The following ATF2 variants were observed in gnomAD, a reference collection of about 807,000 sequenced individuals.
The protein encoded by ATF2 is activating transcription factor 2.
ATF2 carries 24 observed loss-of-function variants against 60.6 expected under a neutral mutation model. The observed-to-expected ratio is 0.40, with a 90% CI of 0.29 to 0.56. The LOEUF (loss-of-function observed/expected upper bound fraction) is 0.56, where lower values mean the gene tolerates loss of function less well. Among genes scored for constraint, ATF2 ranks in the 20% least tolerant of loss-of-function variants. ATF2 has a pLI of 0.54. For synonymous variants in ATF2, 206 were observed against 215.4 expected (o/e 0.96, Z 0.38); for missense variants, 433 against 607.7 (o/e 0.71, Z 3.02).
chr2:175,154,924 C>T (rs183011167), intron 1 of ATF2, among the ~76,000 whole-genome samples: 1 of 152,316 alleles, frequency 6.6e-6, no homozygotes, highest in East Asian at 1.9e-4. Context: ...CTCTCTTGGG[C>T]ATGGCCTCAA....
chr2:175,085,257 G>A (rs1453111398), intron 12 of ATF2, among the ~76,000 whole-genome samples: 1 of 152,146 alleles, frequency 6.6e-6, no homozygotes, highest in African/African-American at 2.4e-5. Flanking sequence ...AATATAGACT[G>A]GGTGTGGTGG....
At chr2:175,152,060 T>C (rs1699346740) in intron 1 of ATF2, among the ~76,000 whole-genome samples, 1 of 152,166 alleles carries the variant, frequency 6.6e-6, no homozygotes, top group Non-Finnish European at 1.5e-5. Flanking sequence ...TTTCACCATA[T>C]GCTTAAGAAC....
In ATF2 at chr2:175,117,999, A is replaced by C; in HGVS notation, c.438T>G (p.Ser146Arg). ...TCTAAAAATTTCTAACCTTCTCATC[A>C]CTGGTAGTAGACTCTGGGTGAGGTA... ...SPLPHPESTT[S>R]DEKEVPLAQT... is the part of the protein sequence containing the mutation. The change falls in exon 7 of 14, where the codon AGT becomes AGG. Residue 146 changes from serine (S) to arginine (R), a missense_variant. Physicochemically the swap from Ser to Arg is moderately radical, Grantham distance 110. Coordinates refer to ENST00000264110, the MANE Select transcript of ATF2 (RefSeq NM_001880.4). 1 of 1,599,434 alleles carries C rather than the reference A, an allele frequency of 6.3e-7. No individual in the cohort carries two copies. Among genetic ancestry groups the C allele is most frequent in the Non-Finnish European group, 8.5e-7 (1 of 1,175,090 alleles).
intron 1 of ATF2, among the ~76,000 whole-genome samples, chr2:175,156,193 A>T (rs2105343794): frequency 6.6e-6 from 1 of 152,126 alleles, no homozygotes; most frequent in East Asian, 1.9e-4. Flanking sequence ...CAACATGGTG[A>T]AACCCCATCT....
At chr2:175,120,296 T>C (rs570151447) in intron 5 of ATF2, among the ~76,000 whole-genome samples, 57 of 148,108 alleles carry the variant, frequency 3.8e-4, no homozygotes, top group Non-Finnish European at 6.5e-4. Context: ...TGTAAAATAC[T>C]CCAAAAAAAA....
intron 1 of ATF2, 151 bp downstream of exon 1, chr2:175,167,899 G>GC (rs1700478206): frequency 2.6e-6 from 1 of 384,726 alleles, no homozygotes; most frequent in Non-Finnish European, 5.4e-6. Context: ...AGCCACAATC[G>GC]CCCCAAGGGC....
intron 2 of ATF2, among the ~76,000 whole-genome samples, chr2:175,141,199 A>C (rs559364821): frequency 6.6e-6 from 1 of 151,550 alleles, no homozygotes; most frequent in African/African-American, 2.4e-5. Context: ...TTGACCATTC[A>C]TAAATGGTAT....
In ATF2 at chr2:175,080,902, T is replaced by C. The variant is rs1553500668; in HGVS notation, c.1186-137A>G. 9.9e-6 allele frequency: 6 copies of C among 604,590 alleles called. No homozygotes were observed. The East Asian group carries it at 1.7e-4, about 17-fold the overall frequency. 37.5% of individuals were successfully genotyped at this position (604,590 alleles called of 1,614,324 possible). Reference sequence around the variant, plus strand: ...ACAAAGAAAATATGCTGATTAAATATGTCTAATCAGCACAGGGCAGCTTTT... The same window carrying C: ...ACAAAGAAAATATGCTGATTAAATACGTCTAATCAGCACAGGGCAGCTTTT... On this transcript the variant is annotated intron_variant, in intron 12 of 13. Coordinates refer to ENST00000264110, the MANE Select transcript of ATF2 (RefSeq NM_001880.4).
chr2:175,167,445 G>C (rs909261734), intron 1 of ATF2, among the ~76,000 whole-genome samples: 2 of 152,098 alleles, frequency 1.3e-5, no homozygotes, highest in Non-Finnish European at 2.9e-5. Context: ...AAAAGGCCGA[G>C]ACTTCCAGCT....
chr2:175,080,530 T>A (rs1559045834), intron 13 of ATF2, 130 bp downstream of exon 13: 12 of 685,114 alleles, frequency 1.8e-5, no homozygotes, highest in Non-Finnish European at 2.8e-5. Context: ...TATAATAACC[T>A]TACAGAAATT....
intron 10 of ATF2, among the ~76,000 whole-genome samples, chr2:175,110,242 G>A (rs1696077771): frequency 6.6e-6 from 1 of 152,104 alleles, no homozygotes; most frequent in South Asian, 2.1e-4. Flanking sequence ...GGCTGAGGCA[G>A]GAGAATTGCT....
At chr2:175,091,091 A>G (rs1273900526) in intron 12 of ATF2, among the ~76,000 whole-genome samples, 1 of 152,184 alleles carries the variant, frequency 6.6e-6, no homozygotes, top group East Asian at 1.9e-4. Flanking sequence ...GTAAATAATA[A>G]CATATATGTA....
chr2:175,130,112 ATAATT>A (rs2105746959), intron 4 of ATF2, 21 bp downstream of exon 4: 2 of 1,473,202 alleles, frequency 1.4e-6, no homozygotes, highest in East Asian at 2.4e-5. Flanking sequence ...AATATACAAA[ATAATT>A]TAAAGTAATT....
intron 3 of ATF2, among the ~76,000 whole-genome samples, chr2:175,134,137 A>G (rs1697952714): frequency 6.6e-6 from 1 of 152,244 alleles, no homozygotes; most frequent in East Asian, 1.9e-4. Context: ...CATCTGTACT[A>G]AACATGTACA....
intron 10 of ATF2, among the ~76,000 whole-genome samples, chr2:175,106,728 C>T (rs897386044): frequency 4.6e-5 from 7 of 151,160 alleles, no homozygotes; most frequent in East Asian, 2.0e-4. Context: ...CCCAGCTACT[C>T]GGGAGGCTGA....
intron 2 of ATF2, among the ~76,000 whole-genome samples, chr2:175,150,677 C>A (rs1699254622): frequency 2.0e-5 from 3 of 152,016 alleles, no homozygotes; most frequent in Middle Eastern, 3.4e-3. Context: ...AAACTTTTTG[C>A]CCAAAATATT....
At chr2:175,144,614 A>G (rs1465370013) in intron 2 of ATF2, among the ~76,000 whole-genome samples, 1 of 152,214 alleles carries the variant, frequency 6.6e-6, no homozygotes, top group East Asian at 1.9e-4. Flanking sequence ...AGGCTACCTG[A>G]GGGCAGCCCA....
intron 1 of ATF2, among the ~76,000 whole-genome samples, chr2:175,153,246 G>C (rs376454669): frequency 1.4e-3 from 220 of 152,250 alleles, no homozygotes; most frequent in African/African-American, 5.2e-3. Context: ...CAGATGTAAG[G>C]AGCCTCTGCT....
chr2:175,077,213 T>A (rs1394601245), intron 13 of ATF2, among the ~76,000 whole-genome samples: 1 of 152,058 alleles, frequency 6.6e-6, no homozygotes, highest in Non-Finnish European at 1.5e-5. Flanking sequence ...GACATTTGGG[T>A]TGGTTCCAAG....
Sources: allele counts gnomAD v4.1 joint callset (sites outside exome capture counted in the v4.1 genomes callset), GRCh38; gene constraint gnomAD v4.1.1; transcripts MANE v1.5; gene names NCBI Gene and HGNC (gene_info 2026-07-23, HGNC 2026-07-21).